The following ABCB11 variants were observed in gnomAD, a reference collection of about 807,000 sequenced individuals.
ABCB11 encodes the protein bile salt export pump.
In ABCB11, 95 loss-of-function variants were observed where a neutral mutation model predicts 148.0. The observed-to-expected ratio is 0.64, with a 90% CI of 0.54 to 0.76. ABCB11 has a LOEUF of 0.76. Among genes scored for constraint, ABCB11 ranks in the 30% least tolerant of loss-of-function variants. ABCB11 has a pLI of 0.00. For synonymous variants in ABCB11, 591 were observed against 555.4 expected, an observed-to-expected ratio of 1.06 and a Z score of -0.90; for missense variants, 1,523 against 1,617.8, an observed-to-expected ratio of 0.94 and a Z score of 1.01.
intron 19 of ABCB11, among the ~76,000 whole-genome samples, chr2:168,957,602 A>G (rs1307253027): frequency 6.6e-6 from 1 of 151,728 alleles, no homozygotes; most frequent in Non-Finnish European, 1.5e-5. Context: ...CTGTTCAGCA[A>G]GATCAAAATT....
intron 11 of ABCB11, among the ~76,000 whole-genome samples, chr2:168,978,657 CA>C (rs1282083190): frequency 9.9e-6 from 1 of 100,622 alleles, no homozygotes; most frequent in Non-Finnish European, 2.3e-5. Context: ...CAGCTCAGGG[CA>C]TTTTTTTTTT....
At chr2:168,940,037 C>G (rs1010309475) in intron 21 of ABCB11, among the ~76,000 whole-genome samples, 2 of 152,048 alleles carry the variant, frequency 1.3e-5, no homozygotes, top group Non-Finnish European at 2.9e-5. Flanking sequence ...GTCTCTCTCT[C>G]TTTCTATCCT....
chr2:168,936,551 A>G (rs2105899542), intron 21 of ABCB11, 118 bp from the exon 22 acceptor site: 1 of 885,834 alleles, frequency 1.1e-6, no homozygotes, highest in East Asian at 2.6e-5. Context: ...AACAATATAT[A>G]TCATTTTAAC....
At chr2:168,984,762 C>G (rs1694257234) in intron 10 of ABCB11, among the ~76,000 whole-genome samples, 1 of 152,022 alleles carries the variant, frequency 6.6e-6, no homozygotes, top group South Asian at 2.1e-4. Context: ...CTGGTCTTAT[C>G]AATTCAAATG....
chr2:168,970,330 C>T (rs1454745795), intron 14 of ABCB11, 115 bp from the exon 15 acceptor site: 3 of 1,541,726 alleles, frequency 1.9e-6, no homozygotes, highest in East Asian at 2.5e-5. Context: ...ATTTTCACTG[C>T]TCCGACTTCC....
intron 19 of ABCB11, among the ~76,000 whole-genome samples, chr2:168,952,673 C>CTTTTTTTTTTTTT (rs1559197882): frequency 9.0e-6 from 1 of 111,196 alleles, no homozygotes; most frequent in African/African-American, 3.3e-5. Flanking sequence ...TTCATTGCTC[C>CTTTTTTTTTTTTT]TTTGTTTTTT....
chr2:168,979,266 T>C (rs961889189), intron 11 of ABCB11, among the ~76,000 whole-genome samples: 1 of 152,008 alleles, frequency 6.6e-6, no homozygotes, highest in Non-Finnish European at 1.5e-5. Context: ...CTTCCATGAA[T>C]GCCCTCCCTG....
intron 18 of ABCB11, among the ~76,000 whole-genome samples, chr2:168,963,571 A>G (rs1693168287): frequency 6.6e-6 from 1 of 151,746 alleles, no homozygotes; most frequent in Non-Finnish European, 1.5e-5. Context: ...GAAATTGTGT[A>G]TTGCTATACA....
chr2:168,983,158 A>G (rs1694192653), intron 10 of ABCB11, among the ~76,000 whole-genome samples: 1 of 152,158 alleles, frequency 6.6e-6, no homozygotes, highest in South Asian at 2.1e-4. Context: ...TCAATTTACC[A>G]ATTCACTTTT....
chr2:169,014,201 G>T, intron 4 of ABCB11, 102 bp downstream of exon 4: 1 of 1,190,760 alleles, frequency 8.4e-7, no homozygotes, highest in Non-Finnish European at 1.3e-6. Flanking sequence ...GATCACTGAA[G>T]TTAAAAACCT....
chr2:169,020,396 A>C (rs1404071174), intron 1 of ABCB11, among the ~76,000 whole-genome samples: 1 of 152,170 alleles, frequency 6.6e-6, no homozygotes, highest in African/African-American at 2.4e-5. Context: ...ATAGTTTCTA[A>C]ATAAGCAAAG....
At chr2:168,996,308 A>G (rs1030411151) in intron 6 of ABCB11, among the ~76,000 whole-genome samples, 4 of 151,954 alleles carry the variant, frequency 2.6e-5, no homozygotes, top group African/African-American at 9.7e-5. Flanking sequence ...CCTGCCCCAC[A>G]TTCTTCAAGC....
At chr2:169,014,236 C>G (rs1165660591) in intron 4 of ABCB11, 67 bp downstream of exon 4, 2,754 of 1,083,886 alleles carry the variant, frequency 2.5e-3, no homozygotes, top group Non-Finnish European at 3.6e-3. Flanking sequence ...AGATTTAACA[C>G]TCCCCTCATG....
At position 168,921,850 on chromosome 2, in the gene ABCB11, TC is replaced by T. The variant is rs71397675; in HGVS notation, c.*1771del. On this transcript the variant is annotated 3_prime_UTR_variant, in exon 28 of 28. Coordinates refer to ENST00000650372, the MANE Select transcript of ABCB11 (RefSeq NM_003742.4). The stretch of plus-strand genomic sequence containing the variant: ...CAAGGACGGAGTCCTTGACCTCTTT[TC>T]TTTTTCTTTTTCTTTTTTTTTTTTT... Among the ~76,000 whole-genome samples the T allele has an allele frequency of 2.9e-5, 1 of 34,232 alleles. No individual in the cohort carries two copies. The highest frequency in any genetic ancestry group is 2.3e-3 in the East Asian group (1 of 432). The allele number at this position is 34,232 out of a possible 152,430, so 22.5% of individuals were successfully genotyped here. A position where few individuals can be genotyped will look rare whatever the true frequency, so the allele number is the denominator to read the frequency against.
intron 14 of ABCB11, among the ~76,000 whole-genome samples, chr2:168,971,324 G>A (rs779139160): frequency 3.3e-5 from 5 of 152,028 alleles, no homozygotes; most frequent in Non-Finnish European, 7.4e-5. Context: ...TGACTTAGCA[G>A]GCCATCGGTG....
At chr2:168,934,444 C>T (rs73972712) in intron 23 of ABCB11, among the ~76,000 whole-genome samples, 4,470 of 152,272 alleles carry the variant, frequency 0.029, 196 homozygotes, top group African/African-American at 0.1. Context: ...TACCCTGACA[C>T]CCTTAGGCTT....
chr2:168,923,633 G>A lies in ABCB11; in HGVS notation c.3955C>T (p.Pro1319Ser). The A allele has an allele frequency of 5.6e-6, 9 of 1,613,726 alleles. No homozygotes were observed. Among genetic ancestry groups the A allele is most frequent in the Non-Finnish European group, 7.6e-6 (9 of 1,179,836 alleles). ...ATTCTTGCATTGGGTCAACTGATGG[G>A]GGATCCAGTGGTGACTAGTTTGTAG... ...AYYKLVTTGS[P>S]IS Residue 1319 changes from proline (P) to serine (S), a missense_variant, in exon 28 of 28, where the codon CCC (proline) becomes TCC (serine). Coordinates refer to ENST00000650372, the MANE Select transcript of ABCB11 (RefSeq NM_003742.4).
intron 1 of ABCB11, among the ~76,000 whole-genome samples, chr2:169,030,662 A>C (rs1200029056): frequency 6.6e-6 from 1 of 152,150 alleles, no homozygotes; most frequent in African/African-American, 2.4e-5. Context: ...AAAAACTGAA[A>C]TTAGATCCTA....
intron 5 of ABCB11, among the ~76,000 whole-genome samples, chr2:169,003,704 C>T (rs1043390271): frequency 3.9e-5 from 6 of 152,068 alleles, no homozygotes; most frequent in Non-Finnish European, 7.4e-5. Context: ...GTTTACATTC[C>T]CACCAATGGT....
Sources: allele counts gnomAD v4.1 joint callset (sites outside exome capture counted in the v4.1 genomes callset), GRCh38; gene constraint gnomAD v4.1.1; transcripts MANE v1.5; gene names NCBI Gene and HGNC (gene_info 2026-07-23, HGNC 2026-07-21).